SLC16A3: variants seen among roughly 807,000 people sequenced by gnomAD.
The protein encoded by SLC16A3 is solute carrier family 16 member 3, also known as monocarboxylate transporter 4.
SLC16A3 carries 22 observed loss-of-function variants against 25.0 expected under a neutral mutation model. The observed-to-expected ratio is 0.88, with a 90% CI of 0.63 to 1.26. The LOEUF (loss-of-function observed/expected upper bound fraction) is 1.26, where lower values mean the gene tolerates loss of function less well. Among genes scored for constraint, SLC16A3 ranks in the 50% most tolerant of loss-of-function variants. The pLI, the probability that SLC16A3 is intolerant of heterozygous loss-of-function variation, is 0.00. For synonymous variants in SLC16A3, 390 were observed against 309.2 expected (o/e 1.26, Z -2.74); for missense variants, 731 against 666.6 (o/e 1.10, Z -1.06).
In SLC16A3 at chr17:82,239,832, G is replaced by C. The variant is rs1392826359; in HGVS notation, c.*856G>C. 3 of 430,828 alleles carry C rather than the reference G, an allele frequency of 7.0e-6. No homozygotes were observed. The highest frequency in any genetic ancestry group is 2.0e-5 in the African/African-American group (1 of 49,178). 26.7% of individuals were successfully genotyped at this position (430,828 alleles called of 1,614,324 possible). Reference sequence around the variant, plus strand: ...GCTGGCAGTGTGCGTGGTGTGGTCAGTGCCCAGGGCTGGTCTTTGCACCCT... The same window carrying C: ...GCTGGCAGTGTGCGTGGTGTGGTCACTGCCCAGGGCTGGTCTTTGCACCCT... On this transcript the variant is annotated 3_prime_UTR_variant, in exon 5 of 5. Coordinates refer to ENST00000582743, the MANE Select transcript of SLC16A3 (RefSeq NM_004207.4).
At chr17:82,227,662 G>GCACCACCTGCCCTGGGCGGGAA (rs2050434614), upstream of SLC16A3, among the ~76,000 whole-genome samples, 2 of 22,284 alleles carry the variant, frequency 9.0e-5, no homozygotes, top group African/African-American at 2.0e-4. Flanking sequence ...CTGGGCGGGA[G>GCACCACCTGCCCTGGGCGGGAA]CACCACCTGC....
Position 82,238,713 on chromosome 17 carries a change from G to A in SLC16A3, c.1135G>A (p.Asp379Asn). Reference sequence around the variant, plus strand: ...GGGTCTTCCCGCAGGCAAACTCCTGGATGCGACCCACGTCTACATGTACGT... The same window carrying A: ...GGGTCTTCCCGCAGGCAAACTCCTGAATGCGACCCACGTCTACATGTACGT... ...VGPPSGGKLLDATHVYMYVFI... is the reference protein window; with the variant it reads ...VGPPSGGKLLNATHVYMYVFI... Residue 379 changes from aspartate (D) to asparagine (N), a missense_variant, in exon 5 of 5, where the codon GAT becomes AAT. Transcript: ENST00000582743. The A allele has an allele frequency of 6.2e-7, 1 of 1,610,530 alleles. No individual in the cohort carries two copies. The highest frequency in any genetic ancestry group is 8.5e-7 in the Non-Finnish European group (1 of 1,179,014).
Position 82,237,584 on chromosome 17 carries a change from T to A in SLC16A3, c.814T>A (p.Phe272Ile), listed in dbSNP as rs753827683. The stretch of plus-strand genomic sequence containing the variant: ...CGCCTTCCTGCTCACCATCCTGGGC[T>A]TCATTGACATCTTCGCGCGGCCGGC... ...KAAFLLTILG[F>I]IDIFARPAAG... is the part of the protein sequence containing the mutation. Residue 272 changes from phenylalanine to isoleucine, a missense_variant, in exon 4 of 5, where the codon TTC becomes ATC. Coordinates refer to ENST00000582743, the MANE Select transcript of SLC16A3 (RefSeq NM_004207.4). 1.2e-6 allele frequency: 2 copies of A among 1,612,428 alleles called. No homozygotes were observed. Among genetic ancestry groups the A allele is most frequent in the East Asian group, 4.5e-5 (2 of 44,846 alleles).
intron 1 of SLC16A3, among the ~76,000 whole-genome samples, chr17:82,219,497 C>T (rs919766777): frequency 1.3e-5 from 2 of 152,102 alleles, no homozygotes; most frequent in African/African-American, 4.8e-5. Context: ...CGTAGGGTCT[C>T]GCAGGCCAGA....
In SLC16A3 at chr17:82,238,892, G is replaced by T. The variant is rs369072667; in HGVS notation, c.1314G>T (p.Val438=). ...KLHKPPADSG[V]DLREVEHFLK... ...ACAAGCCTCCTGCAGACTCGGGGGT[G>T]GACTTGCGGGAGGTGGAGCATTTCC... The change falls in exon 5 of 5, where the codon GTG becomes GTT. Residue 438 remains valine (V), a synonymous_variant. Transcript: ENST00000582743. 2 of 1,604,820 alleles carry T rather than the reference G, an allele frequency of 1.2e-6. No homozygotes were observed.
upstream of SLC16A3, among the ~76,000 whole-genome samples, chr17:82,227,186 G>A (rs933495324): frequency 6.6e-5 from 10 of 152,168 alleles, no homozygotes; most frequent in African/African-American, 1.2e-4. Flanking sequence ...GGGATGACTG[G>A]GCGTCTTCCC....
At chr17:82,220,426 C>T (rs2050382112) in intron 1 of SLC16A3, among the ~76,000 whole-genome samples, 1 of 152,208 alleles carries the variant, frequency 6.6e-6, no homozygotes, top group South Asian at 2.1e-4. Context: ...ACACCCACTC[C>T]AGCTTAAACA....
At position 82,239,917 on chromosome 17, in the gene SLC16A3, C is replaced by G. The variant is rs570883409; in HGVS notation, c.*941C>G. 1.7e-5 allele frequency: 18 copies of G among 1,041,860 alleles called. No homozygotes were observed. The South Asian group carries it at 8.2e-4, about 48-fold the overall frequency. The allele number at this position is 1,041,860 out of a possible 1,614,324, so 64.5% of individuals were successfully genotyped here. A position where few individuals can be genotyped will look rare whatever the true frequency, so the allele number is the denominator to read the frequency against. On this transcript the variant is annotated 3_prime_UTR_variant, in exon 5 of 5. Transcript: ENST00000582743. ...GTCCTGGACACCTAACACCCACCTG[C>G]CCTCGTGGCCAGCAGTGGCCTGCGT...
chr17:82,235,699 A>G (rs1599557972), intron 1 of SLC16A3: 2 of 470,104 alleles, frequency 4.3e-6, no homozygotes, highest in Non-Finnish European at 3.9e-6. Flanking sequence ...TGCTTGTCCC[A>G]GGAGGTAATC....
At position 82,237,477 on chromosome 17, in the gene SLC16A3, C is replaced by T. The variant is rs534309348; in HGVS notation, c.707C>T (p.Ser236Leu). 9.3e-6 allele frequency: 15 copies of T among 1,609,626 alleles called. No homozygotes were observed. Among genetic ancestry groups the T allele is most frequent in the Admixed American group, 5.0e-5 (3 of 59,818 alleles). ...RGFVLYAVAA[S>L]VMVLGLFVPP... is the part of the protein sequence containing the mutation. Reference sequence around the variant, plus strand: ...TTTGTGCTTTACGCCGTGGCCGCCTCGGTCATGGTGCTGGGGCTCTTCGTC... The same window carrying T: ...TTTGTGCTTTACGCCGTGGCCGCCTTGGTCATGGTGCTGGGGCTCTTCGTC... Residue 236 changes from serine to leucine, a missense_variant, in exon 4 of 5, where the codon TCG becomes TTG. Physicochemically the swap from Ser to Leu is moderately radical, Grantham distance 145. Transcript: ENST00000582743.
At chr17:82,236,939 G>C in intron 3 of SLC16A3, 67 bp downstream of exon 3, 3 of 1,575,698 alleles carry the variant, frequency 1.9e-6, no homozygotes, top group Non-Finnish European at 2.6e-6. Context: ...TCTGCTCCTG[G>C]GTCCAGGCCT....
At chr17:82,235,521 G>T (rs1166140160) in intron 1 of SLC16A3, 1 of 173,596 alleles carries the variant, frequency 5.8e-6, no homozygotes, top group East Asian at 1.5e-4. Flanking sequence ...TAGACCGGGA[G>T]AGACCTGGAG....
At chr17:82,218,266 G>GGTGGACGGCCAAGGGGAGCCCAGCCTC in intron 1 of SLC16A3, among the ~76,000 whole-genome samples, 1 of 141,548 alleles carries the variant, frequency 7.1e-6, no homozygotes, top group Admixed American at 7.0e-5. Context: ...GTCACTGGGG[G>GGTGGACGGCCAAGGGGAGCCCAGCCTC]GGTGGACGGC....
Position 82,238,878 on chromosome 17 carries a change from G to T in SLC16A3, c.1300G>T (p.Ala434Ser), listed in dbSNP as rs145403102. The T allele has an allele frequency of 1.4e-5, 23 of 1,609,752 alleles. No homozygotes were observed. The highest frequency in any genetic ancestry group is 3.3e-5 in the Admixed American group (2 of 59,846). ...GGAGGAGAAGCTCCACAAGCCTCCT[G>T]CAGACTCGGGGGTGGACTTGCGGGA... is the stretch of plus-strand genomic sequence containing the variant. ...AEEEKLHKPP[A>S]DSGVDLREVE... Residue 434 changes from alanine to serine, a missense_variant, in exon 5 of 5, where the codon GCA becomes TCA. Coordinates refer to ENST00000582743, the MANE Select transcript of SLC16A3 (RefSeq NM_004207.4).
Position 82,237,873 on chromosome 17 carries a change from T to G in SLC16A3, c.1103T>G (p.Leu368Arg). The change falls in exon 4 of 5, where the codon CTC becomes CGC. Residue 368 changes from leucine (L) to arginine (R), a missense_variant. Coordinates refer to ENST00000582743, the MANE Select transcript of SLC16A3 (RefSeq NM_004207.4). Reference sequence around the variant, plus strand: ...CTGCTGATGGAGGCGGTGGCCGTGCTCGTCGGGCCCCCTTCGGGAGGTGAG... The same window carrying G: ...CTGCTGATGGAGGCGGTGGCCGTGCGCGTCGGGCCCCCTTCGGGAGGTGAG... Reference protein sequence around the residue: ...LVLLMEAVAVLVGPPSGGKLL... With the variant: ...LVLLMEAVAVRVGPPSGGKLL... 1.2e-6 allele frequency: 2 copies of G among 1,600,496 alleles called. No individual in the cohort carries two copies. Among genetic ancestry groups the G allele is most frequent in the Non-Finnish European group, 1.7e-6 (2 of 1,179,762 alleles).
intron 1 of SLC16A3, chr17:82,234,017 T>G: frequency 1.3e-5 from 2 of 152,128 alleles, no homozygotes; most frequent in African/African-American, 4.8e-5. Flanking sequence ...ATTTTTTTTA[T>G]TTTTAGTAGA....
upstream of SLC16A3, among the ~76,000 whole-genome samples, chr17:82,227,152 C>G (rs2050427877): frequency 6.6e-6 from 1 of 152,164 alleles, no homozygotes; most frequent in Non-Finnish European, 1.5e-5. Flanking sequence ...AACCAAACCA[C>G]AGGTGCTCCC....
At chr17:82,227,819 G>T (rs987598171), upstream of SLC16A3, among the ~76,000 whole-genome samples, 1 of 152,198 alleles carries the variant, frequency 6.6e-6, no homozygotes, top group Non-Finnish European at 1.5e-5. Flanking sequence ...TGGGCCCCAG[G>T]TAGGGGTGAG....
chr17:82,235,611 G>A (rs1219052383), intron 1 of SLC16A3: 8 of 296,062 alleles, frequency 2.7e-5, no homozygotes, highest in East Asian at 1.6e-4. Context: ...CATGGTGTGC[G>A]TGGTCCCTGC....
Sources: gnomAD v4.1 joint callset for allele counts (sites outside exome capture counted in the v4.1 genomes callset) on GRCh38, gnomAD v4.1.1 for gene constraint, MANE v1.5 for transcripts, NCBI Gene and HGNC (gene_info 2026-07-23, HGNC 2026-07-21) for gene names.